The following MGA variants were observed in gnomAD, a reference collection of about 807,000 sequenced individuals.
The protein encoded by MGA is MAX dimerization protein MGA.
Under a neutral mutation model 261.1 loss-of-function variants are expected in MGA, and 40 were observed. The ratio of observed to expected loss-of-function variants is 0.15; its 90% CI spans 0.12 to 0.20. The LOEUF is 0.20. Among genes scored for constraint, MGA ranks in the 10% least tolerant of loss-of-function variants. MGA has a pLI of 1.00. For missense variants in MGA, 3,397 were observed against 3,630.5 expected (o/e 0.94, Z 1.65); for synonymous variants, 1,302 against 1,290.6 (o/e 1.01, Z -0.19).
At chr15:41,764,103 G>A (rs1281953345) in intron 22 of MGA, among the ~76,000 whole-genome samples, 1 of 151,732 alleles carries the variant, frequency 6.6e-6, no homozygotes, top group Admixed American at 6.6e-5. Context: ...AGGCTGCAGT[G>A]AGCTGAAATC....
In MGA at chr15:41,762,230, T is replaced by A; in HGVS notation, c.7612T>A (p.Phe2538Ile). ...AAAAAAGAAGATGGGATCAGATGAGTTTGACATATCTCCCAGAATTAGCAA... is the reference window on the plus strand; with the variant it reads ...AAAAAAGAAGATGGGATCAGATGAGATTGACATATCTCCCAGAATTAGCAA... Residue 2538 changes from phenylalanine to isoleucine, a missense_variant, in exon 22 of 24, where the codon TTT (phenylalanine) becomes ATT (isoleucine). Transcript: ENST00000219905. 1 of 1,613,690 alleles carries A rather than the reference T, an allele frequency of 6.2e-7. No homozygotes were observed.
chr15:41,745,983 A>AGT (rs1332871059), intron 15 of MGA, among the ~76,000 whole-genome samples: 1 of 152,170 alleles, frequency 6.6e-6, no homozygotes, highest in Non-Finnish European at 1.5e-5. Flanking sequence ...TACTTAAGGA[A>AGT]GTGTGTGTAA....
At chr15:41,748,365 C>T (rs1410788039) in intron 15 of MGA, among the ~76,000 whole-genome samples, 1 of 152,156 alleles carries the variant, frequency 6.6e-6, no homozygotes, top group Admixed American at 6.5e-5. Context: ...CCAGCCTCAC[C>T]AACATGGTGA....
At chr15:41,691,353 A>G (rs1453078176) in intron 2 of MGA, among the ~76,000 whole-genome samples, 2 of 152,126 alleles carry the variant, frequency 1.3e-5, no homozygotes, top group African/African-American at 2.4e-5. Flanking sequence ...GCTAGTTTGT[A>G]GAAAAACAAT....
rs2061134567 is a variant in MGA at position 41,724,699 on chromosome 15, A to C, written c.3431-2481A>C. Among the ~76,000 whole-genome samples, 5 of 152,334 alleles carry C rather than the reference A, an allele frequency of 3.3e-5. No homozygotes were observed. In the South Asian group the frequency reaches 1.0e-3, roughly 32 times the overall value. On this transcript the variant is annotated intron_variant, in intron 9 of 23. Transcript: ENST00000219905. ...CAAATTCTGTCTCAAAATAAAAAAC[A>C]ACCAGAAACATTGGTGAATTATGTT...
chr15:41,672,145 G>C (rs939529949), intron 2 of MGA, among the ~76,000 whole-genome samples: 1 of 152,138 alleles, frequency 6.6e-6, no homozygotes, highest in Non-Finnish European at 1.5e-5. Context: ...TTAGGTGAAA[G>C]GGTCAGACGT....
Position 41,696,290 on chromosome 15 carries a change from T to A in MGA, c.1280T>A (p.Leu427Gln). The change falls in exon 3 of 24, where the codon CTA becomes CAA. Residue 427 changes from leucine to glutamine, a missense_variant. Physicochemically the swap from Leu to Gln is moderately radical, Grantham distance 113. Transcript: ENST00000219905. ...GATGATCCTATACTAGAGAAACAGC[T>A]AAAGAGGCACAATAAAGTTGACAAC... The A allele has an allele frequency of 6.2e-7, 1 of 1,613,924 alleles. No individual in the cohort carries two copies.
chr15:41,714,302 T>C (rs2060521838), intron 9 of MGA, among the ~76,000 whole-genome samples: 1 of 152,142 alleles, frequency 6.6e-6, no homozygotes, highest in Non-Finnish European at 1.5e-5. Flanking sequence ...ATAATGTTAG[T>C]TTTAATGGCT....
chr15:41,663,550 A>T (rs923357136), intron 1 of MGA, among the ~76,000 whole-genome samples: 1 of 152,044 alleles, frequency 6.6e-6, no homozygotes, highest in Non-Finnish European at 1.5e-5. Flanking sequence ...GCTAGAATGC[A>T]GTGGTGCTAT....
At chr15:41,763,802 T>C (rs1415010514) in intron 22 of MGA, among the ~76,000 whole-genome samples, 3 of 152,166 alleles carry the variant, frequency 2.0e-5, no homozygotes, top group African/African-American at 4.8e-5. Flanking sequence ...TAACTTCTTA[T>C]TACCATCTTG....
chr15:41,731,899 T>C (rs924722584), intron 11 of MGA, among the ~76,000 whole-genome samples: 7 of 152,190 alleles, frequency 4.6e-5, no homozygotes, highest in African/African-American at 1.7e-4. Context: ...TTATACATTC[T>C]CCCATTTGAT....
Position 41,696,274 on chromosome 15 carries a change from A to C in MGA, c.1264A>C (p.Ile422Leu). Residue 422 changes from isoleucine to leucine, a missense_variant, in exon 3 of 24, where the codon ATA (isoleucine) becomes CTA (leucine). Transcript: ENST00000219905. ...ATACTCAAACAGTGATGATGATCCT[A>C]TACTAGAGAAACAGCTAAAGAGGCA... The C allele has an allele frequency of 6.2e-7, 1 of 1,613,962 alleles. No individual in the cohort carries two copies. Among genetic ancestry groups the C allele is most frequent in the Non-Finnish European group, 8.5e-7 (1 of 1,179,908 alleles).
chr15:41,692,444 C>A (rs541472168), intron 2 of MGA, among the ~76,000 whole-genome samples: 17 of 152,190 alleles, frequency 1.1e-4, no homozygotes, highest in Non-Finnish European at 2.5e-4. Context: ...TTGCAAAGAT[C>A]CTTTGCCTAT....
chr15:41,760,134 C>T, intron 19 of MGA, 189 bp from the exon 20 acceptor site: 1 of 585,196 alleles, frequency 1.7e-6, no homozygotes, highest in Non-Finnish European at 3.1e-6. Flanking sequence ...TTAGAAATTA[C>T]ACTGTTGGCA....
chr15:41,669,526 A>G lies in MGA; in HGVS notation c.632A>G (p.Lys211Arg). ...AGGCTTCATTTGGTGCCTGCAGAAAAGGCTGTGGAGGTGATACAATTAAAT... is the reference window on the plus strand; with the variant it reads ...AGGCTTCATTTGGTGCCTGCAGAAAGGGCTGTGGAGGTGATACAATTAAAT... The change falls in exon 2 of 24, where the codon AAG becomes AGG. Residue 211 changes from lysine to arginine, a missense_variant. By Grantham distance (26) the Lys-to-Arg change is conservative. This residue lies in a region of MGA where 104 missense variants were observed against 212.9 expected (regional missense o/e 0.49). Coordinates refer to ENST00000219905, the MANE Select transcript of MGA (RefSeq NM_001164273.2). The G allele has an allele frequency of 6.2e-7, 1 of 1,614,026 alleles. No individual in the cohort carries two copies. The highest frequency in any genetic ancestry group is 8.5e-7 in the Non-Finnish European group (1 of 1,179,904).
chr15:41,663,484 ATTG>A (rs34595550), intron 1 of MGA, among the ~76,000 whole-genome samples: 22 of 150,726 alleles, frequency 1.5e-4, no homozygotes, highest in East Asian at 9.8e-4. Context: ...TATTATTATT[ATTG>A]TTGTTGTTGT....
chr15:41,655,453 G>A (rs1011420275), upstream of MGA, among the ~76,000 whole-genome samples: 8 of 152,164 alleles, frequency 5.3e-5, no homozygotes, highest in Middle Eastern at 3.4e-3. Context: ...GATTACAGGC[G>A]TGAGCCACCG....
At chr15:41,632,187 T>G (rs962734259) in intron 1 of MGA, among the ~76,000 whole-genome samples, 4 of 152,220 alleles carry the variant, frequency 2.6e-5, no homozygotes, top group African/African-American at 9.6e-5. Context: ...AAATGTTTTC[T>G]GTAGAGGACT....
At chr15:41,744,394 G>A (rs963821190) in intron 15 of MGA, among the ~76,000 whole-genome samples, 33 of 151,838 alleles carry the variant, frequency 2.2e-4, no homozygotes, top group African/African-American at 6.5e-4. Context: ...CAGTAGAGAC[G>A]AGGTTTCTCC....
Sources: allele counts gnomAD v4.1 joint callset (sites outside exome capture counted in the v4.1 genomes callset), GRCh38; gene constraint gnomAD v4.1.1; regional missense constraint gnomAD v4.1.1; transcripts MANE v1.5; gene names NCBI Gene and HGNC (gene_info 2026-07-23, HGNC 2026-07-21).